Variants in PPFIA2 observed in about 807,000 individuals in gnomAD.
PPFIA2 encodes PPFI scaffold protein A2.
In PPFIA2, 46 loss-of-function variants were observed where a neutral mutation model predicts 175.5. That is an observed-to-expected ratio of 0.26 (90% CI 0.21 to 0.34). The LOEUF is 0.34. Ranked by LOEUF, PPFIA2 falls within the 10% of genes least tolerant of loss-of-function variation. The pLI is 1.00. For missense variants in PPFIA2, 1,179 were observed against 1,506.1 expected (o/e 0.78, Z 3.60); for synonymous variants, 568 against 511.4 (o/e 1.11, Z -1.49).
At chr12:81,588,972 C>T (rs1229932684) in intron 4 of PPFIA2, among the ~76,000 whole-genome samples, 4 of 152,122 alleles carry the variant, frequency 2.6e-5, no homozygotes, top group Non-Finnish European at 5.9e-5. Context: ...GTGAAATACA[C>T]TTGTATGCCT....
intron 4 of PPFIA2, among the ~76,000 whole-genome samples, chr12:81,606,600 C>T (rs529964202): frequency 1.3e-5 from 2 of 152,098 alleles, no homozygotes; most frequent in East Asian, 3.9e-4. Context: ...TGTTTGCTGG[C>T]CACTTGAATG....
intron 4 of PPFIA2, among the ~76,000 whole-genome samples, chr12:81,629,129 C>T (rs997275753): frequency 8.6e-5 from 13 of 151,976 alleles, no homozygotes; most frequent in East Asian, 3.9e-4. Context: ...TGAGATCATA[C>T]GAGCTTTGAA....
At chr12:81,498,494 C>T (rs2060256551) in intron 4 of PPFIA2, among the ~76,000 whole-genome samples, 1 of 152,118 alleles carries the variant, frequency 6.6e-6, no homozygotes, top group African/African-American at 2.4e-5. Context: ...GGTATTTTTT[C>T]ATGATTACTC....
chr12:81,642,177 T>C (rs2065048909), intron 4 of PPFIA2, among the ~76,000 whole-genome samples: 1 of 152,086 alleles, frequency 6.6e-6, no homozygotes, highest in Non-Finnish European at 1.5e-5. Context: ...ATATATATTT[T>C]ATCTCAAAGA....
In PPFIA2 at chr12:81,665,025, C is replaced by T. The variant is rs574123316; in HGVS notation, c.303+11766G>A. On this transcript the variant is annotated intron_variant, in intron 4 of 32. Coordinates refer to ENST00000549396, the MANE Select transcript of PPFIA2 (RefSeq NM_003625.5). Reference sequence around the variant, plus strand: ...ACACAGGAAGGGGAACATCACACACCGGGGCCTGTTGTCGGGTGGGGGCAG... The same window carrying T: ...ACACAGGAAGGGGAACATCACACACTGGGGCCTGTTGTCGGGTGGGGGCAG... Among the ~76,000 whole-genome samples, 644 of 143,588 alleles carry T rather than the reference C, an allele frequency of 4.5e-3. 12 individuals carry two copies. The highest frequency in any genetic ancestry group is 0.015 in the African/African-American group (583 of 39,710). The allele number at this position is 143,588 out of a possible 152,430, so 94.2% of individuals were successfully genotyped here.
chr12:81,371,839 A>G (rs2035187397), intron 11 of PPFIA2, among the ~76,000 whole-genome samples: 1 of 151,784 alleles, frequency 6.6e-6, no homozygotes, highest in Non-Finnish European at 1.5e-5. Flanking sequence ...AGTTGTATCC[A>G]TAACCATTAA....
At chr12:81,578,741 G>A (rs1450994761) in intron 4 of PPFIA2, among the ~76,000 whole-genome samples, 1 of 151,616 alleles carries the variant, frequency 6.6e-6, no homozygotes, top group Non-Finnish European at 1.5e-5. Flanking sequence ...AAGTCACATG[G>A]TTAGTAAATG....
chr12:81,263,501 A>T, intron 30 of PPFIA2, 111 bp from the exon 31 acceptor site: 2 of 941,732 alleles, frequency 2.1e-6, no homozygotes, highest in South Asian at 4.1e-5. Flanking sequence ...TAGTCTGTCA[A>T]GTATACGTAT....
At chr12:81,316,265 T>C (rs558409208) in intron 22 of PPFIA2, among the ~76,000 whole-genome samples, 18 of 151,664 alleles carry the variant, frequency 1.2e-4, no homozygotes, top group African/African-American at 4.1e-4. Flanking sequence ...GAAATAACTA[T>C]GGGAAGAAAC....
In PPFIA2 at chr12:81,276,114, G is replaced by T. The variant is rs534924277; in HGVS notation, c.3310+1203C>A. On this transcript the variant is annotated intron_variant, in intron 28 of 32. Coordinates refer to ENST00000549396, the MANE Select transcript of PPFIA2 (RefSeq NM_003625.5). ...CTTCTTTAAACAACAAAAGTGGATT[G>T]ATTATTTTTAGCAAAAAAAAGCCCA... Among the ~76,000 whole-genome samples, 44 of 152,070 alleles carry T rather than the reference G, an allele frequency of 2.9e-4. No individual in the cohort carries two copies. The South Asian group carries it at 9.1e-3, about 32-fold the overall frequency.
chr12:81,646,764 G>A (rs989686725), intron 4 of PPFIA2, among the ~76,000 whole-genome samples: 2 of 152,084 alleles, frequency 1.3e-5, no homozygotes, highest in Non-Finnish European at 2.9e-5. Context: ...TTACTGGCCT[G>A]TGAGATAAAG....
intron 4 of PPFIA2, among the ~76,000 whole-genome samples, chr12:81,643,237 G>T (rs1228855182): frequency 6.6e-6 from 1 of 151,588 alleles, no homozygotes; most frequent in African/African-American, 2.4e-5. Flanking sequence ...AACTCATTCA[G>T]AATAACTGTC....
At chr12:81,517,139 T>C (rs985331898) in intron 4 of PPFIA2, among the ~76,000 whole-genome samples, 1 of 150,998 alleles carries the variant, frequency 6.6e-6, no homozygotes. Flanking sequence ...TGTTTTGCAT[T>C]GTTCAGAGCT....
chr12:81,539,647 G>A (rs762738278), intron 4 of PPFIA2, among the ~76,000 whole-genome samples: 12 of 151,846 alleles, frequency 7.9e-5, no homozygotes, highest in Admixed American at 2.6e-4. Context: ...TGCTGTAGAG[G>A]GGCAGTAGAA....
In PPFIA2 at chr12:81,551,716, G is replaced by A. The variant is rs529153081; in HGVS notation, c.304-93850C>T. 2.6e-5 allele frequency among the ~76,000 whole-genome samples: 4 copies of A among 151,976 alleles called. No homozygotes were observed. The South Asian group carries it at 8.3e-4, about 32-fold the overall frequency. ...TGTACTATCATATTTACTTCTGAGT[G>A]TGTGAAACTGTTATTTTAGAAGTGA... On this transcript the variant is annotated intron_variant, in intron 4 of 32. Coordinates refer to ENST00000549396, the MANE Select transcript of PPFIA2 (RefSeq NM_003625.5).
intron 4 of PPFIA2, among the ~76,000 whole-genome samples, chr12:81,503,516 A>G (rs1423006503): frequency 6.6e-6 from 1 of 151,424 alleles, no homozygotes; most frequent in South Asian, 2.1e-4. Flanking sequence ...CCAAGTCTAG[A>G]TATACAGGAT....
intron 4 of PPFIA2, among the ~76,000 whole-genome samples, chr12:81,624,130 T>C (rs2062396902): frequency 6.6e-6 from 1 of 151,866 alleles, no homozygotes; most frequent in Non-Finnish European, 1.5e-5. Flanking sequence ...AAGCACTTAA[T>C]GTCAAAAGAT....
chr12:81,597,589 C>G (rs1488857736), intron 4 of PPFIA2, among the ~76,000 whole-genome samples: 2 of 152,022 alleles, frequency 1.3e-5, no homozygotes, highest in African/African-American at 2.4e-5. Flanking sequence ...GTGTTTTAAT[C>G]TTACTCTTTC....
chr12:81,564,654 T>C (rs1184203805), intron 4 of PPFIA2, among the ~76,000 whole-genome samples: 6 of 152,190 alleles, frequency 3.9e-5, no homozygotes, highest in Admixed American at 3.3e-4. Context: ...GATTCACTGC[T>C]TGTGAGAGGC....
Sources: allele counts gnomAD v4.1 joint callset (sites outside exome capture counted in the v4.1 genomes callset), GRCh38; gene constraint gnomAD v4.1.1; transcripts MANE v1.5; gene names NCBI Gene and HGNC (gene_info 2026-07-23, HGNC 2026-07-21).